The following UGT1A6 variants were observed in gnomAD, a reference collection of about 807,000 sequenced individuals.
The protein encoded by UGT1A6 is UDP-glucuronosyltransferase 1A6.
A neutral mutation model predicts 44.4 loss-of-function variants in UGT1A6; 32 were observed. The ratio of observed to expected loss-of-function variants is 0.72; its 90% CI spans 0.54 to 0.97. The LOEUF (loss-of-function observed/expected upper bound fraction) is 0.97, where lower values mean the gene tolerates loss of function less well. Ranked by LOEUF, UGT1A6 falls within the 50% of genes least tolerant of loss-of-function variation. The pLI is 0.00. For missense variants in UGT1A6, 685 were observed against 661.9 expected, an observed-to-expected ratio of 1.03 and a Z score of -0.38; for synonymous variants, 238 against 248.5, an observed-to-expected ratio of 0.96 and a Z score of 0.40.
rs758873309 is a variant in UGT1A6 at position 233,767,044 on chromosome 2, C to G, written c.872C>G (p.Ala291Gly). The G allele has an allele frequency of 6.2e-7, 1 of 1,613,874 alleles. No homozygotes were observed. Among genetic ancestry groups the G allele is most frequent in the African/African-American group, 1.3e-5 (1 of 74,880 alleles). ...KRKDLSQEFE[A>G]YINASGEHGI... is the part of the protein sequence containing the mutation. ...TTCTTCTGGCTCTAGGAATTTGAAG[C>G]CTACATTAATGCTTCTGGAGAACAT... The change falls in exon 2 of 5, where the codon GCC becomes GGC. Residue 291 changes from alanine to glycine, a missense_variant. Ala to Gly is a moderately conservative substitution (Grantham distance 60). Coordinates refer to ENST00000305139, the MANE Select transcript of UGT1A6 (RefSeq NM_001072.4).
intron 1 of UGT1A6, among the ~76,000 whole-genome samples, chr2:233,711,923 C>A (rs946379005): frequency 6.6e-6 from 1 of 152,212 alleles, no homozygotes. Context: ...TGCTCAGGGT[C>A]TCTCCATTAG....
chr2:233,767,288 C>T (rs1214442488), intron 2 of UGT1A6, 123 bp downstream of exon 2: 1 of 1,566,280 alleles, frequency 6.4e-7, no homozygotes, highest in African/African-American at 1.4e-5. Flanking sequence ...TGCCACTTCC[C>T]AACTATTAAT....
chr2:233,758,308 C>G (rs1190172459), intron 1 of UGT1A6, among the ~76,000 whole-genome samples: 1 of 152,214 alleles, frequency 6.6e-6, no homozygotes. Flanking sequence ...TCCAGGTACA[C>G]AGCAGAAGCA....
chr2:233,744,318 TG>T (rs1692773667), intron 1 of UGT1A6, among the ~76,000 whole-genome samples: 2 of 151,754 alleles, frequency 1.3e-5, no homozygotes, highest in Admixed American at 1.3e-4. Flanking sequence ...AAGAGGGTGG[TG>T]GGAGTGAGTT....
intron 1 of UGT1A6, among the ~76,000 whole-genome samples, chr2:233,711,664 A>G (rs527821361): frequency 2.0e-5 from 3 of 152,284 alleles, no homozygotes; most frequent in Admixed American, 6.5e-5. Context: ...GGTGGAATCT[A>G]TTATCAATGT....
At chr2:233,696,203 A>T (rs1245645591) in intron 1 of UGT1A6, among the ~76,000 whole-genome samples, 2 of 152,264 alleles carry the variant, frequency 1.3e-5, no homozygotes, top group African/African-American at 4.8e-5. Context: ...TCCCATGTTT[A>T]TTATAGCACT....
At chr2:233,755,509 C>G (rs143373661) in intron 1 of UGT1A6, 6,563 of 166,164 alleles carry the variant, frequency 0.039, 278 homozygotes, top group Middle Eastern at 0.048. Flanking sequence ...GACCAGGCCC[C>G]GCCCACTCCG....
At chr2:233,713,647 C>T (rs2076336191) in intron 1 of UGT1A6, 2 of 1,613,856 alleles carry the variant, frequency 1.2e-6, no homozygotes, top group African/African-American at 1.3e-5. Flanking sequence ...TACCCTCTGG[C>T]CCTGTCCTAC....
intron 1 of UGT1A6, among the ~76,000 whole-genome samples, chr2:233,714,978 C>T (rs1467606775): frequency 1.3e-5 from 2 of 152,150 alleles, no homozygotes; most frequent in African/African-American, 4.8e-5. Context: ...CCAGGTTCAA[C>T]TGATTCTCCT....
At chr2:233,737,065 T>C (rs1559381236) in intron 1 of UGT1A6, among the ~76,000 whole-genome samples, 1 of 152,236 alleles carries the variant, frequency 6.6e-6, no homozygotes, top group African/African-American at 2.4e-5. Context: ...ACGAGTGCTC[T>C]CTTCAGAGCT....
intron 1 of UGT1A6, among the ~76,000 whole-genome samples, chr2:233,735,251 C>T (rs915442177): frequency 3.3e-5 from 5 of 152,018 alleles, no homozygotes; most frequent in Admixed American, 6.6e-5. Context: ...TTGAATTGCT[C>T]CCTTTACCAT....
intron 1 of UGT1A6, chr2:233,729,592 C>G (rs1253832448): frequency 6.2e-7 from 1 of 1,613,966 alleles, no homozygotes; most frequent in African/African-American, 1.3e-5. Context: ...CCCCGTTAAC[C>G]TCTGCGCGGC....
intron 1 of UGT1A6, among the ~76,000 whole-genome samples, chr2:233,758,114 C>T (rs192892910): frequency 7.9e-5 from 12 of 152,298 alleles, no homozygotes; most frequent in South Asian, 2.1e-4. Context: ...AGGGCTCACA[C>T]GTTCCATAAA....
At chr2:233,730,052 G>T in intron 1 of UGT1A6, 3 of 1,612,052 alleles carry the variant, frequency 1.9e-6, no homozygotes, top group Non-Finnish European at 2.5e-6. Flanking sequence ...TTAAAAAAAT[G>T]TATTTATTTA....
intron 1 of UGT1A6, among the ~76,000 whole-genome samples, chr2:233,733,322 C>A (rs1174900134): frequency 6.6e-6 from 1 of 152,146 alleles, no homozygotes; most frequent in African/African-American, 2.4e-5. Context: ...CCTGATTGCC[C>A]TGGCCAGAAC....
Position 233,769,575 on chromosome 2 carries a change from G to A in UGT1A6, c.1301+1136G>A. On this transcript the variant is annotated intron_variant, in intron 4 of 4. Coordinates refer to ENST00000305139, the MANE Select transcript of UGT1A6 (RefSeq NM_001072.4). The surrounding 1 kb of genome is among the most constrained non-coding windows in gnomAD (Gnocchi z 4.4). ...AGACAGATGTGAAGAGCTGGAGCAT[G>A]TTCAGATGAGAGGAGACGGAACACG... The A allele has an allele frequency of 6.2e-7, 1 of 1,612,906 alleles. No homozygotes were observed. Among genetic ancestry groups the A allele is most frequent in the Middle Eastern group, 1.7e-4 (1 of 6,060 alleles).
At chr2:233,713,374 G>C (rs758031379) in intron 1 of UGT1A6, 1 of 1,614,186 alleles carries the variant, frequency 6.2e-7, no homozygotes, top group Non-Finnish European at 8.5e-7. Flanking sequence ...CATAGGTCTT[G>C]TGTGGAGCTA....
chr2:233,747,879 C>A (rs186049008), intron 1 of UGT1A6: 15 of 1,613,516 alleles, frequency 9.3e-6, no homozygotes, highest in African/African-American at 4.0e-5. Context: ...CCTGTCCTAC[C>A]TTTGCCATGC....
rs754549295 is a variant in UGT1A6, at chr2:233,768,434, C to A, written c.1296C>A (p.Asp432Glu). 1 of 1,613,634 alleles carries A rather than the reference C, an allele frequency of 6.2e-7. No individual in the cohort carries two copies. Among genetic ancestry groups the A allele is most frequent in the Non-Finnish European group, 8.5e-7 (1 of 1,179,838 alleles). Residue 432 changes from aspartate (D) to glutamate (E), a missense_variant, in exon 4 of 5, where the codon GAC becomes GAA. Coordinates refer to ENST00000305139, the MANE Select transcript of UGT1A6 (RefSeq NM_001072.4). ...LENALKAVIN[D>E]KSYKENIMRL... The stretch of plus-strand genomic sequence containing the variant: ...ATGCTCTAAAAGCAGTCATCAATGA[C>A]AAAAGGTAAGAAAGAAGATACAGAA...
Sources: allele counts gnomAD v4.1 joint callset (sites outside exome capture counted in the v4.1 genomes callset), GRCh38; gene constraint gnomAD v4.1.1; non-coding constraint Gnocchi (gnomAD v3.1); transcripts MANE v1.5; gene names NCBI Gene and HGNC (gene_info 2026-07-23, HGNC 2026-07-21).